Variants in SYNRG observed in about 807,000 individuals in gnomAD.
SYNRG encodes the protein synergin gamma.
In SYNRG, 37 loss-of-function variants were observed where a neutral mutation model predicts 130.9. The ratio of observed to expected loss-of-function variants is 0.28; its 90% confidence interval spans 0.22 to 0.37. The LOEUF is 0.37. Among genes scored for constraint, SYNRG ranks in the 10% least tolerant of loss-of-function variants. The pLI, the probability that SYNRG is intolerant of heterozygous loss-of-function variation, is 1.00. For synonymous variants in SYNRG, 539 were observed against 568.1 expected, an observed-to-expected ratio of 0.95 and a Z score of 0.73; for missense variants, 1,338 against 1,588.9, an observed-to-expected ratio of 0.84 and a Z score of 2.68.
At chr17:37,600,760 C>A (rs1053483965) in intron 1 of SYNRG, 3 of 345,874 alleles carry the variant, frequency 8.7e-6, no homozygotes, top group South Asian at 2.9e-5. Flanking sequence ...ATCTTATAAT[C>A]AAAAATACAC....
At position 37,586,369 on chromosome 17, in the gene SYNRG, T is replaced by C. The variant is rs114128695; in HGVS notation, c.371+50A>G. The C allele has an allele frequency of 8.8e-4, 1,420 of 1,605,184 alleles. 12 individuals are homozygous for C. In the African/African-American group the frequency reaches 0.016, roughly 19 times the overall value. On this transcript the variant is annotated intron_variant, in intron 4 of 21. Coordinates refer to ENST00000612223, the MANE Select transcript of SYNRG (RefSeq NM_007247.6). ...AGAGATCATTAGACAATTCTTAAGA[T>C]AGATGCTATAATGTATCTTTGTTAT...
At chr17:37,600,478 T>C (rs1159189076) in intron 1 of SYNRG, 75 bp from the exon 2 acceptor site, 4 of 1,442,716 alleles carry the variant, frequency 2.8e-6, no homozygotes, top group Non-Finnish European at 2.9e-6. Context: ...CTTTTTTATA[T>C]GGATAAAAGA....
rs1040532203 is a variant in SYNRG, at chr17:37,518,863, G to A, written c.*77C>T. The A allele has an allele frequency of 1.9e-5, 29 of 1,565,810 alleles. No homozygotes were observed. Among genetic ancestry groups the A allele is most frequent in the Middle Eastern group, 4.7e-4 (2 of 4,282 alleles). ...CAGGGAAGCGAACTGTGCAGTGCTC[G>A]CATTCTATTTATTGGTCCCTGTCAC... On this transcript the variant is annotated 3_prime_UTR_variant, in exon 22 of 22. Transcript: ENST00000612223.
At chr17:37,589,256 T>G (rs1463703514) in intron 3 of SYNRG, among the ~76,000 whole-genome samples, 1 of 152,188 alleles carries the variant, frequency 6.6e-6, no homozygotes, top group Non-Finnish European at 1.5e-5. Flanking sequence ...TCAGCTATAA[T>G]TCTGTAAAAG....
chr17:37,590,728 C>G (rs2062100880), intron 3 of SYNRG, among the ~76,000 whole-genome samples: 1 of 152,086 alleles, frequency 6.6e-6, no homozygotes. Context: ...CGAGACCAGC[C>G]TGGCCGACAT....
chr17:37,590,918 T>C (rs896595847), intron 3 of SYNRG, among the ~76,000 whole-genome samples: 1 of 151,990 alleles, frequency 6.6e-6, no homozygotes, highest in Non-Finnish European at 1.5e-5. Context: ...AGTATAAAAA[T>C]ACATACGAGA....
chr17:37,593,744 C>T (rs182407552), intron 3 of SYNRG, among the ~76,000 whole-genome samples: 3 of 151,644 alleles, frequency 2.0e-5, no homozygotes, highest in East Asian at 2.0e-4. Flanking sequence ...ATTAGCCGGG[C>T]GTGGTGGCAC....
In SYNRG at chr17:37,568,730, T is replaced by C; in HGVS notation, c.1481+61A>G. The stretch of plus-strand genomic sequence containing the variant: ...AAATTTCTCACACCTAGCCTTCCTA[T>C]TATGGATGCCTCTTTCTTAATGGTT... On this transcript the variant is annotated intron_variant, in intron 11 of 21. Transcript: ENST00000612223. The C allele has an allele frequency of 2.5e-6, 4 of 1,573,542 alleles. No individual in the cohort carries two copies. In the Admixed American group the frequency reaches 7.2e-5, roughly 28 times the overall value.
intron 21 of SYNRG, 22 bp downstream of exon 21, chr17:37,520,157 A>G (rs2054812247): frequency 1.9e-6 from 3 of 1,614,124 alleles, no homozygotes; most frequent in South Asian, 2.2e-5. Context: ...AGACGCTAAG[A>G]TAAGGTGTAA....
At chr17:37,560,505 T>A (rs1006845442) in intron 13 of SYNRG, among the ~76,000 whole-genome samples, 4 of 151,622 alleles carry the variant, frequency 2.6e-5, no homozygotes, top group African/African-American at 9.7e-5. Context: ...CCTGGCTAAC[T>A]TTTTTGTATT....
In SYNRG at chr17:37,564,018, AT is replaced by A. The variant is rs1008704376; in HGVS notation, c.1482-2430del. ...ACCACCAGGCCTGGGTAATTTTTGT[AT>A]TTTTTTTTTTGTAGAGATGGGGTTT... is the stretch of plus-strand genomic sequence containing the variant. On this transcript the variant is annotated intron_variant, in intron 11 of 21. Coordinates refer to ENST00000612223, the MANE Select transcript of SYNRG (RefSeq NM_007247.6). Among the ~76,000 whole-genome samples, 754 of 144,368 alleles carry A rather than the reference AT, an allele frequency of 5.2e-3. 1 individual carries two copies. The highest frequency in any genetic ancestry group is 0.017 in the African/African-American group (655 of 39,526). 94.7% of individuals were successfully genotyped at this position (144,368 alleles called of 152,430 possible).
chr17:37,598,553 A>G (rs2062983407), intron 2 of SYNRG, among the ~76,000 whole-genome samples: 1 of 152,254 alleles, frequency 6.6e-6, no homozygotes, highest in Non-Finnish European at 1.5e-5. Flanking sequence ...AAGTGTACAC[A>G]GTAAAAAATA....
intron 13 of SYNRG, among the ~76,000 whole-genome samples, chr17:37,555,707 A>G (rs2059068250): frequency 6.6e-6 from 1 of 152,052 alleles, no homozygotes; most frequent in Admixed American, 6.6e-5. Flanking sequence ...AGTTCAAGAC[A>G]AGCCTGGCCA....
chr17:37,609,182 A>G, intron 1 of SYNRG, 97 bp downstream of exon 1: 12 of 1,260,596 alleles, frequency 9.5e-6, no homozygotes, highest in Non-Finnish European at 1.2e-5. Flanking sequence ...AGTTCCAAGG[A>G]AAAGGATCAG....
chr17:37,593,984 T>G (rs1457314705), intron 3 of SYNRG, among the ~76,000 whole-genome samples: 1 of 152,068 alleles, frequency 6.6e-6, no homozygotes, highest in South Asian at 2.1e-4. Flanking sequence ...TTAGAATCAT[T>G]AATACACAAG....
intron 19 of SYNRG, among the ~76,000 whole-genome samples, chr17:37,524,813 C>G (rs1873638207): frequency 6.6e-6 from 1 of 152,178 alleles, no homozygotes; most frequent in Non-Finnish European, 1.5e-5. Flanking sequence ...GAACTCTTAG[C>G]AAGCTTTTAA....
At chr17:37,535,854 T>C in intron 19 of SYNRG, 125 bp downstream of exon 19, 2 of 1,301,014 alleles carry the variant, frequency 1.5e-6, no homozygotes, top group South Asian at 1.2e-5. Flanking sequence ...CTCCCTCCTT[T>C]AATATAACAT....
chr17:37,597,012 G>A (rs552278500), intron 2 of SYNRG, among the ~76,000 whole-genome samples: 70 of 152,308 alleles, frequency 4.6e-4, no homozygotes, highest in Non-Finnish European at 8.1e-4. Context: ...AAAGTGCTGG[G>A]ATTACAGGTG....
intron 8 of SYNRG, 28 bp from the exon 9 acceptor site, chr17:37,572,015 T>C (rs758193887): frequency 1.9e-6 from 3 of 1,567,120 alleles, no homozygotes; most frequent in South Asian, 2.3e-5. Flanking sequence ...AGATTACAAA[T>C]GGAAACACAT....
Sources: gnomAD v4.1 joint callset for allele counts (sites outside exome capture counted in the v4.1 genomes callset) on GRCh38, gnomAD v4.1.1 for gene constraint, MANE v1.5 for transcripts, NCBI Gene and HGNC (gene_info 2026-07-23, HGNC 2026-07-21) for gene names.